The following ANKRD30A variants were observed in gnomAD, a reference collection of about 807,000 sequenced individuals.
The protein encoded by ANKRD30A is ankyrin repeat domain 30A.
In ANKRD30A, 170 loss-of-function variants were observed where a neutral mutation model predicts 166.3. The observed-to-expected ratio is 1.02, with a 90% CI of 0.90 to 1.16. ANKRD30A has a LOEUF of 1.16. Among genes scored for constraint, ANKRD30A ranks in the 50% most tolerant of loss-of-function variants. ANKRD30A has a pLI of 0.00. For missense variants in ANKRD30A, 1,630 were observed against 1,518.0 expected, an observed-to-expected ratio of 1.07 and a Z score of -1.23; for synonymous variants, 564 against 508.9, an observed-to-expected ratio of 1.11 and a Z score of -1.46.
intron 7 of ANKRD30A, among the ~76,000 whole-genome samples, chr10:37,144,635 TAAAAG>T (rs1247742316): frequency 8.5e-5 from 13 of 152,058 alleles, no homozygotes; most frequent in Non-Finnish European, 1.6e-4. Flanking sequence ...TACTAAAAAA[TAAAAG>T]AAAGTAATGA....
chr10:37,219,440 T>C lies in ANKRD30A; in HGVS notation c.3728T>C (p.Ile1243Thr), dbSNP rs1588949314. Residue 1243 changes from isoleucine (I) to threonine (T), a missense_variant, in exon 34 of 36, where the codon ATA becomes ACA. By Grantham distance (89) the Ile-to-Thr change is moderately conservative. Transcript: ENST00000361713. The stretch of plus-strand genomic sequence containing the variant: ...ATGAATGTTGATGTGAGTAGTACGA[T>C]ATATAACAATGAGGTGCTCCATCAA... Reference protein sequence around the residue: ...RKMNVDVSSTIYNNEVLHQPL... With the variant: ...RKMNVDVSSTTYNNEVLHQPL... The C allele has an allele frequency of 1.2e-6, 2 of 1,610,302 alleles. No homozygotes were observed. The highest frequency in any genetic ancestry group is 1.7e-6 in the Non-Finnish European group (2 of 1,177,618).
At chr10:37,134,580 A>T (rs1465201533) in intron 5 of ANKRD30A, among the ~76,000 whole-genome samples, 3 of 152,160 alleles carry the variant, frequency 2.0e-5, no homozygotes, top group Non-Finnish European at 4.4e-5. Flanking sequence ...CCATATGTAG[A>T]TTTCAAAGTT....
At chr10:37,265,755 G>T in the ANKRD30A span, among the ~76,000 whole-genome samples, 1 of 152,244 alleles carries the variant, frequency 6.6e-6, no homozygotes, top group Non-Finnish European at 1.5e-5. Context: ...GGAAAGGGAA[G>T]AACTGTGGGT....
Position 37,194,640 on chromosome 10 carries a change from C to T in ANKRD30A, c.2614+1382C>T, listed in dbSNP as rs534272244. Among the ~76,000 whole-genome samples, 14 of 152,232 alleles carry T rather than the reference C, an allele frequency of 9.2e-5. No homozygotes were observed. The East Asian group carries it at 2.1e-3, about 23-fold the overall frequency. ...AATTACAGGCGTGAGGCACCGTGCC[C>T]GGCCGATGTCTGAAATTTTCAATAA... On this transcript the variant is annotated intron_variant, in intron 27 of 35. Coordinates refer to ENST00000361713, the MANE Select transcript of ANKRD30A (RefSeq NM_052997.3).
chr10:37,161,898 T>G (rs570798059), intron 15 of ANKRD30A, among the ~76,000 whole-genome samples: 20 of 152,158 alleles, frequency 1.3e-4, no homozygotes, highest in Middle Eastern at 3.2e-3. Flanking sequence ...GAATTTATAC[T>G]TGAATAATAA....
rs1243139057 is a variant in ANKRD30A at position 37,165,129 on chromosome 10, T to G, written c.2038T>G (p.Tyr680Asp). 6.2e-7 allele frequency: 1 copy of G among 1,609,184 alleles called. No homozygotes were observed. The highest frequency in any genetic ancestry group is 8.5e-7 in the Non-Finnish European group (1 of 1,176,050). Residue 680 changes from tyrosine to aspartate, a missense_variant, in exon 18 of 36, where the codon TAT (tyrosine) becomes GAT (aspartate). By Grantham distance (160) the Tyr-to-Asp change is radical. Transcript: ENST00000361713. ...ILPSESKQKD[Y>D]EENSWDTESL... The stretch of plus-strand genomic sequence containing the variant: ...CCCATCAGAATCCAAACAAAAGGAC[T>G]ATGAAGAAAATTCTTGGGATACTGA...
At chr10:37,132,169 T>G in intron 3 of ANKRD30A, 71 bp from the exon 4 acceptor site, 1 of 1,040,238 alleles carries the variant, frequency 9.6e-7, no homozygotes, top group Non-Finnish European at 1.4e-6. Flanking sequence ...CATAAGATAT[T>G]ATATAAGGTA....
At chr10:37,140,786 A>G (rs1245960120) in intron 6 of ANKRD30A, among the ~76,000 whole-genome samples, 2 of 152,192 alleles carry the variant, frequency 1.3e-5, no homozygotes, top group Admixed American at 1.3e-4. Flanking sequence ...GACATAATGC[A>G]TTGTACAATA....
rs184823920 is a variant in ANKRD30A, at chr10:37,166,221, G to T, written c.2065-384G>T. Among the ~76,000 whole-genome samples the T allele has an allele frequency of 2.6e-3, 399 of 152,224 alleles. 4 individuals are homozygous for T. Among genetic ancestry groups the T allele is most frequent in the African/African-American group, 9.2e-3 (384 of 41,530 alleles). ...ATTTTAAATGTTTACTGCTGTATGTGTCCAGGCAAGTAGCAAATGCGTTGT... is the reference window on the plus strand; with the variant it reads ...ATTTTAAATGTTTACTGCTGTATGTTTCCAGGCAAGTAGCAAATGCGTTGT... On this transcript the variant is annotated intron_variant, in intron 18 of 35. Transcript: ENST00000361713.
intron 33 of ANKRD30A, among the ~76,000 whole-genome samples, chr10:37,218,198 A>C (rs1175885182): frequency 6.6e-6 from 1 of 150,990 alleles, no homozygotes; most frequent in Non-Finnish European, 1.5e-5. Flanking sequence ...TGACTCAAAC[A>C]TTATCAAGAG....
At chr10:37,157,344 G>T (rs2132577742) in intron 13 of ANKRD30A, among the ~76,000 whole-genome samples, 1 of 152,288 alleles carries the variant, frequency 6.6e-6, no homozygotes, top group South Asian at 2.1e-4. Context: ...TATGTAAAAA[G>T]TCTCTAGAAG....
At chr10:37,192,446 G>A (rs182906061) in intron 25 of ANKRD30A, among the ~76,000 whole-genome samples, 4 of 151,876 alleles carry the variant, frequency 2.6e-5, no homozygotes, top group Admixed American at 6.6e-5. Flanking sequence ...GAAAATACTC[G>A]TATTTCTCAG....
chr10:37,126,061 G>A, intron 1 of ANKRD30A, 53 bp downstream of exon 1: 1 of 1,560,290 alleles, frequency 6.4e-7, no homozygotes, highest in South Asian at 1.1e-5. Flanking sequence ...GGCGGTGGGA[G>A]GATCGCCCCT....
chr10:37,216,144 A>G (rs550614717), intron 31 of ANKRD30A, 37 bp from the exon 32 acceptor site: 1 of 1,430,712 alleles, frequency 7.0e-7, no homozygotes, highest in African/African-American at 1.4e-5. Context: ...TCCCAAAAGT[A>G]CTAATATATT....
rs781226284 is a variant in ANKRD30A at position 37,158,526 on chromosome 10, A to G, written c.1840A>G (p.Met614Val). ...KDGLLKATCG[M>V]KVSIPTKALE... ...CAAACCCATTTAGGCTACCTGCGGA[A>G]TGAAAGTTTCTATTCCAACTAAAGC... The change falls in exon 15 of 36, where the codon ATG (methionine) becomes GTG (valine). Residue 614 changes from methionine to valine, a missense_variant. Met to Val is a conservative substitution (Grantham distance 21). Transcript: ENST00000361713. 6.2e-7 allele frequency: 1 copy of G among 1,613,658 alleles called. No individual in the cohort carries two copies.
downstream of ANKRD30A, chr10:37,232,654 T>TTATATTTATATATATATATATATATATA (rs1554832840): frequency 1.1e-4 from 6 of 54,214 alleles, 2 homozygotes; most frequent in African/African-American, 3.4e-4. Context: ...AGCATTGGTT[T>TTATATTTATATATATATATATATATATA]TATATATATA....
chr10:37,152,016 A>C, intron 11 of ANKRD30A, 44 bp from the exon 12 acceptor site: 2 of 1,508,420 alleles, frequency 1.3e-6, no homozygotes, highest in Non-Finnish European at 1.8e-6. Context: ...AATTTATAGT[A>C]GAGAAATGTT....
intron 4 of ANKRD30A, 86 bp downstream of exon 4, chr10:37,132,432 A>T (rs1344962371): frequency 1.3e-6 from 1 of 764,662 alleles, no homozygotes; most frequent in Non-Finnish European, 2.0e-6. Context: ...AATAACATTT[A>T]CTTAAAATTG....
chr10:37,214,081 G>T (rs2132727550), intron 31 of ANKRD30A, among the ~76,000 whole-genome samples: 1 of 151,544 alleles, frequency 6.6e-6, no homozygotes, highest in Non-Finnish European at 1.5e-5. Context: ...TATTTTGAAG[G>T]ATTTATGTTA....
Sources: gnomAD v4.1 joint callset for allele counts (sites outside exome capture counted in the v4.1 genomes callset) on GRCh38, gnomAD v4.1.1 for gene constraint, MANE v1.5 for transcripts, NCBI Gene and HGNC (gene_info 2026-07-23, HGNC 2026-07-21) for gene names.